The following DLGAP2 variants were observed in gnomAD, a reference collection of about 807,000 sequenced individuals.
The protein encoded by DLGAP2 is disks large-associated protein 2.
A neutral mutation model predicts 100.3 loss-of-function variants in DLGAP2; 26 were observed. The observed-to-expected ratio is 0.26, with a 90% CI of 0.19 to 0.36. The LOEUF is 0.36. DLGAP2 is among the 10% of genes least tolerant of loss of function. The pLI is 1.00. For missense variants in DLGAP2, 1,858 were observed against 1,453.2 expected (o/e 1.28, Z -4.53); for synonymous variants, 886 against 630.1 (o/e 1.41, Z -6.08).
chr8:852,249 C>T (rs1797195442), intron 1 of DLGAP2, among the ~76,000 whole-genome samples: 1 of 152,186 alleles, frequency 6.6e-6, no homozygotes, highest in Non-Finnish European at 1.5e-5. Flanking sequence ...ACACAGACTT[C>T]CGTGTCCCCT....
intron 2 of DLGAP2, among the ~76,000 whole-genome samples, chr8:987,580 C>A (rs1300277377): frequency 6.6e-6 from 1 of 152,142 alleles, no homozygotes; most frequent in Admixed American, 6.5e-5. Context: ...GGAAACTCAG[C>A]CAGCAAACAA....
At chr8:1,633,312 A>G (rs532624325) in intron 8 of DLGAP2, among the ~76,000 whole-genome samples, 1 of 125,114 alleles carries the variant, frequency 8.0e-6, no homozygotes, top group Admixed American at 7.2e-5. Context: ...AGTTTTAGAG[A>G]GGAGAAAGAA....
In DLGAP2 at chr8:1,495,773, G is replaced by A. The variant is rs139037746; in HGVS notation, c.107-5593G>A. On this transcript the variant is annotated intron_variant, in intron 3 of 14. Coordinates refer to ENST00000637795, the MANE Select transcript of DLGAP2 (RefSeq NM_001346810.2). ...GGGTCTGTGCCCGGGGCCTTCCCCC[G>A]TATGCTTTCGCTTTCTAGTGTCTGC... is the stretch of plus-strand genomic sequence containing the variant. Among the ~76,000 whole-genome samples, 521 of 152,306 alleles carry A rather than the reference G, an allele frequency of 3.4e-3. 2 individuals carry two copies. The highest frequency in any genetic ancestry group is 5.6e-3 in the Non-Finnish European group (381 of 68,026).
intron 1 of DLGAP2, among the ~76,000 whole-genome samples, chr8:788,244 G>A (rs1821928916): frequency 6.6e-6 from 1 of 152,206 alleles, no homozygotes; most frequent in Non-Finnish European, 1.5e-5. Flanking sequence ...TTGTTATTCT[G>A]TAGCCAAATG....
intron 3 of DLGAP2, among the ~76,000 whole-genome samples, chr8:1,460,269 G>A (rs1161955503): frequency 6.6e-6 from 1 of 152,208 alleles, no homozygotes; most frequent in Non-Finnish European, 1.5e-5. Flanking sequence ...CTGTGTACAA[G>A]TGGCTTATGA....
chr8:1,280,757 G>A (rs1173274241), intron 3 of DLGAP2, among the ~76,000 whole-genome samples: 1 of 152,228 alleles, frequency 6.6e-6, no homozygotes, highest in African/African-American at 2.4e-5. Flanking sequence ...TGGAAGGGCA[G>A]TTGGGGGTCA....
chr8:1,557,282 C>CG (rs897786574), intron 5 of DLGAP2, among the ~76,000 whole-genome samples: 2 of 152,064 alleles, frequency 1.3e-5, no homozygotes, highest in African/African-American at 4.8e-5. Flanking sequence ...GCTGTGCAGC[C>CG]GGGGGGCTCA....
intron 3 of DLGAP2, among the ~76,000 whole-genome samples, chr8:1,283,286 G>A (rs550151497): frequency 4.3e-4 from 65 of 151,420 alleles, no homozygotes; most frequent in African/African-American, 1.6e-3. Context: ...GACGTGGTGC[G>A]ACCTGAACCC....
At chr8:1,245,590 A>G (rs2116868097) in intron 2 of DLGAP2, among the ~76,000 whole-genome samples, 1 of 152,320 alleles carries the variant, frequency 6.6e-6, no homozygotes, top group South Asian at 2.1e-4. Context: ...GGGCATGGAA[A>G]TGAGGGTTAA....
At chr8:1,230,393 G>T (rs571609208) in intron 2 of DLGAP2, among the ~76,000 whole-genome samples, 1 of 152,146 alleles carries the variant, frequency 6.6e-6, no homozygotes, top group South Asian at 2.1e-4. Context: ...ATTCCATGAT[G>T]ATGGACTGGA....
chr8:968,267 C>T (rs980833511), intron 2 of DLGAP2, among the ~76,000 whole-genome samples: 1 of 152,136 alleles, frequency 6.6e-6, no homozygotes, highest in Non-Finnish European at 1.5e-5. Flanking sequence ...TGCCCCCAAC[C>T]CCCCAGCTGG....
intron 2 of DLGAP2, among the ~76,000 whole-genome samples, chr8:1,232,705 C>T (rs915988866): frequency 1.3e-5 from 2 of 152,208 alleles, no homozygotes; most frequent in Admixed American, 1.3e-4. Context: ...CAACACAAGA[C>T]AAGGTGCATG....
chr8:1,607,673 G>C (rs955413432), intron 6 of DLGAP2, among the ~76,000 whole-genome samples: 3 of 152,102 alleles, frequency 2.0e-5, no homozygotes, highest in Non-Finnish European at 4.4e-5. Context: ...GCGCAGGCCA[G>C]TGGGTGCGCG....
chr8:958,270 G>A (rs541417735), intron 2 of DLGAP2, among the ~76,000 whole-genome samples: 90 of 152,172 alleles, frequency 5.9e-4, no homozygotes, highest in East Asian at 1.7e-3. Flanking sequence ...CCCCACCGCC[G>A]CCATGTTTTG....
chr8:1,316,076 C>A, intron 3 of DLGAP2, among the ~76,000 whole-genome samples: 1 of 135,894 alleles, frequency 7.4e-6, no homozygotes, highest in Non-Finnish European at 1.6e-5. Context: ...AGTGCAGCGT[C>A]TCTCCCACAG....
chr8:771,078 T>G (rs549040796), intron 1 of DLGAP2, among the ~76,000 whole-genome samples: 3 of 152,280 alleles, frequency 2.0e-5, no homozygotes, highest in East Asian at 3.9e-4. Flanking sequence ...CGTGAAGTTG[T>G]GACAGGTCCC....
chr8:1,000,562 C>T (rs923049063), intron 2 of DLGAP2, among the ~76,000 whole-genome samples: 1 of 152,058 alleles, frequency 6.6e-6, no homozygotes, highest in African/African-American at 2.4e-5. Context: ...TTTTCTTTTG[C>T]ACTGGTGTCT....
At chr8:1,531,609 C>G (rs1584897147) in intron 4 of DLGAP2, among the ~76,000 whole-genome samples, 1 of 152,070 alleles carries the variant, frequency 6.6e-6, no homozygotes, top group Non-Finnish European at 1.5e-5. Flanking sequence ...AACTCTGTCT[C>G]AAAATAAAGT....
chr8:1,444,569 T>C (rs7000616), intron 3 of DLGAP2, among the ~76,000 whole-genome samples: 31,910 of 152,004 alleles, frequency 0.21, 3,712 homozygotes, highest in East Asian at 0.34. Flanking sequence ...AAAGAGCACA[T>C]TGACAATGCT....
Sources: allele counts gnomAD v4.1 joint callset (sites outside exome capture counted in the v4.1 genomes callset), GRCh38; gene constraint gnomAD v4.1.1; transcripts MANE v1.5; gene names NCBI Gene and HGNC (gene_info 2026-07-23, HGNC 2026-07-21).